Variants in INTS3 observed in about 807,000 individuals in gnomAD.
The protein encoded by INTS3 is integrator complex subunit 3.
In INTS3, 34 loss-of-function variants were observed where a neutral mutation model predicts 146.3. That is an observed-to-expected ratio of 0.23 (90% CI 0.18 to 0.31). The LOEUF is 0.31. Ranked by LOEUF, INTS3 falls within the 10% of genes least tolerant of loss-of-function variation. INTS3 has a pLI of 1.00. For synonymous variants in INTS3, 475 were observed against 494.9 expected (o/e 0.96, Z 0.53); for missense variants, 757 against 1,304.2 (o/e 0.58, Z 6.46).
chr1:153,735,550 A>G (rs995661817), intron 1 of INTS3, among the ~76,000 whole-genome samples: 3 of 152,164 alleles, frequency 2.0e-5, no homozygotes, highest in Non-Finnish European at 4.4e-5. Context: ...TTTGGTAGGA[A>G]GGAATATCTA....
intron 1 of INTS3, among the ~76,000 whole-genome samples, chr1:153,737,066 C>T (rs1042785924): frequency 6.6e-6 from 1 of 152,030 alleles, no homozygotes; most frequent in Non-Finnish European, 1.5e-5. Context: ...TGCACCTGGC[C>T]GTCTTTCATT....
chr1:153,751,472 T>A (rs1451360955), intron 7 of INTS3, among the ~76,000 whole-genome samples: 1 of 152,200 alleles, frequency 6.6e-6, no homozygotes, highest in African/African-American at 2.4e-5. Flanking sequence ...ATTTCCCTGG[T>A]CAGCTTCAAG....
intron 3 of INTS3, among the ~76,000 whole-genome samples, chr1:153,746,038 A>G (rs1392227527): frequency 1.3e-5 from 2 of 152,210 alleles, no homozygotes; most frequent in South Asian, 2.1e-4. Context: ...ATGCCACTGC[A>G]CTCCAGCCCA....
Position 153,773,405 on chromosome 1 carries a change from G to C in INTS3, c.*135G>C. The C allele has an allele frequency of 2.4e-6, 2 of 832,194 alleles. No homozygotes were observed. Among genetic ancestry groups the C allele is most frequent in the South Asian group, 3.0e-5 (2 of 66,768 alleles). The allele number at this position is 832,194 out of a possible 1,614,324, so 51.6% of individuals were successfully genotyped here. A position where few individuals can be genotyped will look rare whatever the true frequency, so the allele number is the denominator to read the frequency against. On this transcript the variant is annotated 3_prime_UTR_variant, in exon 30 of 30. Coordinates refer to ENST00000318967, the MANE Select transcript of INTS3 (RefSeq NM_023015.5). The stretch of plus-strand genomic sequence containing the variant: ...CCAAGCTCCCCCGGTGGAAGGAGGA[G>C]CTTTCTCCTCTGGCTGAGTTTGAGA...
At chr1:153,750,416 G>A (rs1671914968) in intron 6 of INTS3, among the ~76,000 whole-genome samples, 1 of 152,152 alleles carries the variant, frequency 6.6e-6, no homozygotes, top group Admixed American at 6.5e-5. Context: ...AAACTCATGG[G>A]AAAAGGAGTT....
chr1:153,760,990 C>A, intron 13 of INTS3, 72 bp downstream of exon 13: 2 of 1,576,638 alleles, frequency 1.3e-6, no homozygotes, highest in South Asian at 1.1e-5. Context: ...CAAATGTTGC[C>A]ATAGCACTGC....
intron 6 of INTS3, 91 bp downstream of exon 6, chr1:153,748,846 C>T: frequency 9.9e-7 from 1 of 1,009,122 alleles, no homozygotes; most frequent in Non-Finnish European, 1.6e-6. Context: ...ATTGTGTGGC[C>T]CAAGAACACC....
Position 153,762,699 on chromosome 1 carries a change from T to G in INTS3, c.1517-29T>G, listed in dbSNP as rs945952734. On this transcript the variant is annotated intron_variant, in intron 14 of 29. Transcript: ENST00000318967. ...CATGTTAGAGGACCCAGGAGGCCAT[T>G]AAATGCCTTATCTTTTTTTACTCCC... The G allele has an allele frequency of 2.5e-6, 4 of 1,613,630 alleles. No individual in the cohort carries two copies. In the Admixed American group the frequency reaches 5.0e-5, roughly 20 times the overall value.
At chr1:153,754,078 G>C (rs1672071585) in intron 8 of INTS3, among the ~76,000 whole-genome samples, 1 of 151,844 alleles carries the variant, frequency 6.6e-6, no homozygotes, top group African/African-American at 2.4e-5. Flanking sequence ...TAGGATTACA[G>C]GTGTGAGCCA....
intron 7 of INTS3, among the ~76,000 whole-genome samples, chr1:153,751,593 C>T (rs944867606): frequency 1.3e-5 from 2 of 152,136 alleles, no homozygotes; most frequent in African/African-American, 4.8e-5. Flanking sequence ...ATGAATTGTC[C>T]TCTATCAGAC....
chr1:153,772,122 G>C lies in INTS3; in HGVS notation c.2720+159G>C, dbSNP rs1570889062. Among the ~76,000 whole-genome samples, 5 of 152,136 alleles carry C rather than the reference G, an allele frequency of 3.3e-5. No individual in the cohort carries two copies. Among genetic ancestry groups the C allele is most frequent in the Admixed American group, 3.3e-4 (5 of 15,286 alleles). ...TGGTCCGAAGCCACATGGCATGCGA[G>C]ACCACCGTGGCCCTTTCTCCCCATC... On this transcript the variant is annotated intron_variant, in intron 26 of 29. Transcript: ENST00000318967. The surrounding 1 kb of genome is among the most constrained non-coding windows in gnomAD (Gnocchi z 4.6).
intron 8 of INTS3, among the ~76,000 whole-genome samples, chr1:153,753,197 G>A (rs147604712): frequency 6.6e-6 from 1 of 152,128 alleles, no homozygotes; most frequent in East Asian, 1.9e-4. Context: ...AGACAAACAT[G>A]TGTTACCTCA....
In INTS3 at chr1:153,773,998, G is replaced by GTTTTTTTTTTTTTTTTTT. The variant is rs200086354; in HGVS notation, c.*737_*738insTTTTTTTTTTTTTTTTTT. On this transcript the variant is annotated 3_prime_UTR_variant, in exon 30 of 30. Transcript: ENST00000318967. Reference sequence around the variant, plus strand: ...TTTCCTTGAGTCTGTTTTTTTTTTTGTTTTTTTTTGTTTTTTTTTTGGCAG... The same window carrying GTTTTTTTTTTTTTTTTTT: ...TTTCCTTGAGTCTGTTTTTTTTTTTGTTTTTTTTTTTTTTTTTTTTTTTTTTTGTTTTTTTTTTGGCAG... 1 of 155,306 alleles carries GTTTTTTTTTTTTTTTTTT rather than the reference G, an allele frequency of 6.4e-6. No homozygotes were observed. 9.6% of individuals were successfully genotyped at this position (155,306 alleles called of 1,614,324 possible). A position where few individuals can be genotyped will look rare whatever the true frequency, so the allele number is the denominator to read the frequency against.
At chr1:153,755,973 G>A (rs552407336) in intron 9 of INTS3, among the ~76,000 whole-genome samples, 51 of 152,282 alleles carry the variant, frequency 3.3e-4, no homozygotes, top group Non-Finnish European at 5.3e-4. Context: ...CCAGGAGGCA[G>A]AGGTTGCGAT....
Position 153,754,700 on chromosome 1 carries a change from C to A in INTS3, c.918C>A (p.Thr306=). ...TSRKFLACRL[T]PDMETKLLFM... Reference sequence around the variant, plus strand: ...GAAAATTCCTAGCATGTCGTCTAACCCCGGACATGGAGACTAAACTCCTCT... The same window carrying A: ...GAAAATTCCTAGCATGTCGTCTAACACCGGACATGGAGACTAAACTCCTCT... Residue 306 remains threonine (T), a synonymous_variant, in exon 9 of 30, where the codon ACC becomes ACA. Transcript: ENST00000318967. The A allele has an allele frequency of 6.2e-7, 1 of 1,613,318 alleles. No homozygotes were observed. Among genetic ancestry groups the A allele is most frequent in the Non-Finnish European group, 8.5e-7 (1 of 1,179,290 alleles).
chr1:153,757,724 C>G lies in INTS3; in HGVS notation c.1110C>G (p.Pro370=). The change falls in exon 10 of 30, where the codon CCC becomes CCG. Residue 370 remains proline (P), a synonymous_variant. Coordinates refer to ENST00000318967, the MANE Select transcript of INTS3 (RefSeq NM_023015.5). The surrounding 1 kb of genome is among the most constrained non-coding windows in gnomAD (Gnocchi z 4.0). ...AAGTACTGAGTTCAGATATCTTGCC[C>G]CGGTGGGCCATCATTGGTTGGCTCC... is the stretch of plus-strand genomic sequence containing the variant. ...SNEVLSSDIL[P]RWAIIGWLLT... is the part of the protein sequence containing the mutation. 1.2e-6 allele frequency: 2 copies of G among 1,613,858 alleles called. No individual in the cohort carries two copies. The highest frequency in any genetic ancestry group is 2.2e-5 in the South Asian group (2 of 91,056).
At chr1:153,745,172 T>TC (rs1293945283) in intron 3 of INTS3, among the ~76,000 whole-genome samples, 2 of 151,216 alleles carry the variant, frequency 1.3e-5, no homozygotes, top group Non-Finnish European at 2.9e-5. Context: ...TTTTTTTTTT[T>TC]TTTTGAGACA....
intron 3 of INTS3, among the ~76,000 whole-genome samples, chr1:153,746,623 G>C (rs548419673): frequency 6.6e-6 from 1 of 151,824 alleles, no homozygotes; most frequent in Admixed American, 6.6e-5. Context: ...GGATGGTCTC[G>C]ATCTCCTGAC....
At chr1:153,764,763 T>A in intron 19 of INTS3, 29 bp downstream of exon 19, 1 of 1,583,106 alleles carries the variant, frequency 6.3e-7, no homozygotes, top group Non-Finnish European at 8.7e-7. Flanking sequence ...GAGATACTGT[T>A]CTACCCTCCA....
Sources: gnomAD v4.1 joint callset for allele counts (sites outside exome capture counted in the v4.1 genomes callset) on GRCh38, gnomAD v4.1.1 for gene constraint, Gnocchi (gnomAD v3.1) non-coding constraint, MANE v1.5 for transcripts, NCBI Gene and HGNC (gene_info 2026-07-23, HGNC 2026-07-21) for gene names.